The following MBNL2 variants were observed in gnomAD, a reference collection of about 807,000 sequenced individuals.
MBNL2 encodes the protein muscleblind-like protein 2.
MBNL2 carries 17 observed loss-of-function variants against 41.9 expected under a neutral mutation model. That is an observed-to-expected ratio of 0.41 (90% CI 0.28 to 0.61). The LOEUF (loss-of-function observed/expected upper bound fraction) is 0.61, where lower values mean the gene tolerates loss of function less well. Ranked by LOEUF, MBNL2 falls within the 20% of genes least tolerant of loss-of-function variation. The probability of loss-of-function intolerance (pLI) is 0.35; values close to 1 mark genes in which losing one functional copy is unlikely to be tolerated. For missense variants in MBNL2, 336 were observed against 505.6 expected (o/e 0.66, Z 3.22); for synonymous variants, 195 against 182.9 (o/e 1.07, Z -0.53).
At chr13:97,269,862 C>G (rs564939829) in intron 1 of MBNL2, among the ~76,000 whole-genome samples, 3 of 152,226 alleles carry the variant, frequency 2.0e-5, no homozygotes, top group Non-Finnish European at 4.4e-5. Context: ...CAGGTCTAAT[C>G]CTGGTCATCA....
intron 7 of MBNL2, among the ~76,000 whole-genome samples, chr13:97,362,023 C>T (rs887627325): frequency 2.6e-5 from 4 of 152,092 alleles, no homozygotes; most frequent in African/African-American, 9.7e-5. Flanking sequence ...CCACCCACCT[C>T]AGCCTCCCAA....
intron 5 of MBNL2, 47 bp from the exon 6 acceptor site, chr13:97,356,749 T>TC (rs1179366601): frequency 8.2e-7 from 1 of 1,225,962 alleles, no homozygotes; most frequent in Admixed American, 1.9e-5. Flanking sequence ...TTCGCTTGAA[T>TC]CCCATTGGCC....
chr13:97,234,042 A>C, intron 1 of MBNL2, among the ~76,000 whole-genome samples: 1 of 152,322 alleles, frequency 6.6e-6, no homozygotes, highest in East Asian at 1.9e-4. Flanking sequence ...GATTATTAGC[A>C]CAATTCCTGT....
At chr13:97,329,827 ACACACACACAC>A (rs1377266220) in intron 2 of MBNL2, among the ~76,000 whole-genome samples, 15 of 26,602 alleles carry the variant, frequency 5.6e-4, no homozygotes, top group Admixed American at 3.2e-3. Context: ...TACACATGCA[ACACACACACAC>A]ACACACACAC....
In MBNL2 at chr13:97,242,076, G is replaced by A. The variant is rs545586168; in HGVS notation, c.-605+19545G>A. Among the ~76,000 whole-genome samples, 4 of 152,166 alleles carry A rather than the reference G, an allele frequency of 2.6e-5. No homozygotes were observed. In the South Asian group the frequency reaches 6.2e-4, roughly 24 times the overall value. On this transcript the variant is annotated intron_variant, in intron 1 of 8. Coordinates refer to ENST00000679496, the MANE Select transcript of MBNL2 (RefSeq NM_001382683.1). The stretch of plus-strand genomic sequence containing the variant: ...GGCTAGGCCCATGTTCCCACAACTC[G>A]GAGAAGGTGTCTCCCTCAACCCTGG...
chr13:97,356,523 T>C (rs939055622), intron 5 of MBNL2, among the ~76,000 whole-genome samples: 2 of 152,214 alleles, frequency 1.3e-5, no homozygotes, highest in African/African-American at 4.8e-5. Flanking sequence ...TTTACTCTCT[T>C]ATATGCTTTT....
intron 5 of MBNL2, among the ~76,000 whole-genome samples, chr13:97,352,150 G>A (rs766907616): frequency 1.2e-4 from 18 of 152,220 alleles, no homozygotes; most frequent in Admixed American, 7.8e-4. Flanking sequence ...TTCCCACACT[G>A]GCAATAAGGC....
intron 8 of MBNL2, among the ~76,000 whole-genome samples, chr13:97,369,039 T>A (rs894571768): frequency 2.6e-5 from 4 of 152,198 alleles, no homozygotes; most frequent in African/African-American, 9.6e-5. Flanking sequence ...TTGATGCAGG[T>A]CTGCTTGCAG....
At position 97,310,548 on chromosome 13, in the gene MBNL2, G is replaced by A. The variant is rs1219399778; in HGVS notation, c.175-23728G>A. Among the ~76,000 whole-genome samples, 5 of 151,776 alleles carry A rather than the reference G, an allele frequency of 3.3e-5. No individual in the cohort carries two copies. The East Asian group carries it at 9.7e-4, about 30-fold the overall frequency. On this transcript the variant is annotated intron_variant, in intron 2 of 8. Coordinates refer to ENST00000679496, the MANE Select transcript of MBNL2 (RefSeq NM_001382683.1). ...AGGTTCACGCCATTCTCCTGCCTCA[G>A]CCTCCTGAGTAGCTGGGACTACAGG...
At chr13:97,347,481 A>G (rs1463789) in intron 5 of MBNL2, among the ~76,000 whole-genome samples, 50,733 of 152,146 alleles carry the variant, frequency 0.33, 11,737 homozygotes, top group African/African-American at 0.66. Context: ...TGGAGCAGCC[A>G]CGGAGGACAT....
intron 2 of MBNL2, among the ~76,000 whole-genome samples, chr13:97,316,700 C>G (rs141576598): frequency 6.6e-6 from 1 of 152,332 alleles, no homozygotes; most frequent in East Asian, 1.9e-4. Context: ...TGCTGAATTA[C>G]TTTCTTAGTG....
At chr13:97,189,614 G>A in the MBNL2 span, among the ~76,000 whole-genome samples, 3 of 152,118 alleles carry the variant, frequency 2.0e-5, no homozygotes, top group East Asian at 1.9e-4. Flanking sequence ...ATGCACACAT[G>A]AGCATATATG....
the MBNL2 span, among the ~76,000 whole-genome samples, chr13:97,162,298 A>T: frequency 6.6e-6 from 1 of 152,114 alleles, no homozygotes; most frequent in East Asian, 1.9e-4. Flanking sequence ...TCCAACTAAG[A>T]TCTACATCAA....
intron 2 of MBNL2, among the ~76,000 whole-genome samples, chr13:97,313,824 A>G (rs958704151): frequency 3.2e-4 from 49 of 152,298 alleles, no homozygotes; most frequent in African/African-American, 1.1e-3. Flanking sequence ...TAAGCCCTTT[A>G]TGCTCTCCCA....
chr13:97,354,963 A>G (rs897447815), intron 5 of MBNL2, among the ~76,000 whole-genome samples: 1 of 152,212 alleles, frequency 6.6e-6, no homozygotes, highest in South Asian at 2.1e-4. Flanking sequence ...TCTTTAGCTG[A>G]TGCAGATTAA....
chr13:97,176,272 T>G, the MBNL2 span, among the ~76,000 whole-genome samples: 1 of 152,164 alleles, frequency 6.6e-6, no homozygotes, highest in Non-Finnish European at 1.5e-5. Context: ...TGAGGGTGAT[T>G]GATCAAGGAG....
intron 2 of MBNL2, among the ~76,000 whole-genome samples, chr13:97,290,945 C>A (rs1291542514): frequency 6.6e-6 from 1 of 152,090 alleles, no homozygotes; most frequent in African/African-American, 2.4e-5. Context: ...GAGATGAATG[C>A]GTTTTGCCAA....
At chr13:97,216,786 C>T (rs1247132901), upstream of MBNL2, among the ~76,000 whole-genome samples, 3 of 152,014 alleles carry the variant, frequency 2.0e-5, no homozygotes, top group East Asian at 5.8e-4. Flanking sequence ...TGCCTTTCAG[C>T]TTTTATGCAT....
chr13:97,145,943 C>T, the MBNL2 span, among the ~76,000 whole-genome samples: 1 of 148,076 alleles, frequency 6.8e-6, no homozygotes, highest in East Asian at 2.0e-4. Context: ...GTTTTACTTG[C>T]AGACAGGGTT....
Sources: allele counts gnomAD v4.1 joint callset (sites outside exome capture counted in the v4.1 genomes callset), GRCh38; gene constraint gnomAD v4.1.1; transcripts MANE v1.5; gene names NCBI Gene and HGNC (gene_info 2026-07-23, HGNC 2026-07-21).